APOOL: variants seen among roughly 807,000 people sequenced by gnomAD.
The protein encoded by APOOL is apolipoprotein O like, also known as MICOS complex subunit MIC27.
A neutral mutation model predicts 23.1 loss-of-function variants in APOOL; 12 were observed. That is an observed-to-expected ratio of 0.52 (90% CI 0.33 to 0.84). APOOL has a LOEUF of 0.84. Ranked by LOEUF, APOOL falls within the 40% of genes least tolerant of loss-of-function variation. The probability of loss-of-function intolerance (pLI) is 0.02; values close to 1 mark genes in which losing one functional copy is unlikely to be tolerated. For synonymous variants in APOOL, 77 were observed against 69.9 expected (o/e 1.10, Z -0.51); for missense variants, 212 against 199.6 (o/e 1.06, Z -0.37).
intron 3 of APOOL, among the ~76,000 whole-genome samples, chrX:85,051,930 C>T (rs1239579574): frequency 8.9e-6 from 1 of 111,856 alleles, no homozygotes; most frequent in Non-Finnish European, 1.9e-5. Flanking sequence ...TTACAAGTGG[C>T]CCTAGGCAGA....
chrX:85,090,778 C>G lies in APOOL; in HGVS notation c.*3100C>G, dbSNP rs1184671175. On this transcript the variant is annotated 3_prime_UTR_variant, in exon 9 of 9. Coordinates refer to ENST00000373173, the MANE Select transcript of APOOL (RefSeq NM_198450.6). ...CATCCTACAAGTCCAATTCCAGTGT[C>G]ATGTTCCCTTTCTCAATCCTCCAGG... The G allele has an allele frequency of 1.8e-5, 2 of 111,821 alleles. No homozygotes were observed. The highest frequency in any genetic ancestry group is 9.5e-5 in the Admixed American group (1 of 10,493). The allele number at this position is 111,821 out of a possible 1,213,427, so 9.2% of individuals were successfully genotyped here.
Position 85,054,412 on chromosome X carries a change from T to C in APOOL, c.295+14T>C. The C allele has an allele frequency of 1.1e-5, 13 of 1,145,924 alleles. No individual in the cohort carries two copies. The highest frequency in any genetic ancestry group is 1.5e-5 in the Non-Finnish European group (13 of 851,715). 94.4% of individuals were successfully genotyped at this position (1,145,924 alleles called of 1,213,427 possible). A position where few individuals can be genotyped will look rare whatever the true frequency, so the allele number is the denominator to read the frequency against. On this transcript the variant is annotated intron_variant, in intron 4 of 8. Coordinates refer to ENST00000373173, the MANE Select transcript of APOOL (RefSeq NM_198450.6). ...AATTTGGAAAAGGTAGGTGAGTAGA[T>C]AATTAGAAATGTTTTATTGTGTTTT...
At chrX:85,028,555 T>C (rs1921921114) in intron 1 of APOOL, among the ~76,000 whole-genome samples, 1 of 111,287 alleles carries the variant, frequency 9.0e-6, no homozygotes, top group Non-Finnish European at 1.9e-5. Flanking sequence ...TTGCACTCCT[T>C]AAGTTCTTTT....
chrX:85,031,871 T>C (rs1293249963), intron 1 of APOOL, among the ~76,000 whole-genome samples: 2 of 112,253 alleles, frequency 1.8e-5, no homozygotes, highest in Admixed American at 1.9e-4. Flanking sequence ...TGAAATTTTG[T>C]AACGTCTGAA....
In APOOL at chrX:85,051,436, G is replaced by A; in HGVS notation, c.168G>A (p.Glu56=). ...CGCTCCAGTCTAAATATGTTGAAGA[G>A]CAGCCTGGTCATTTACAAATGGGCT... is the stretch of plus-strand genomic sequence containing the variant. ...APPLQSKYVE[E]QPGHLQMGFA... Residue 56 remains glutamate, a synonymous_variant, in exon 3 of 9, where the codon GAG becomes GAA. Coordinates refer to ENST00000373173, the MANE Select transcript of APOOL (RefSeq NM_198450.6). 3 of 1,210,693 alleles carry A rather than the reference G, an allele frequency of 2.5e-6. No individual in the cohort carries two copies. Among genetic ancestry groups the A allele is most frequent in the Non-Finnish European group, 3.4e-6 (3 of 895,000 alleles).
intron 5 of APOOL, among the ~76,000 whole-genome samples, chrX:85,062,269 A>G (rs1029237018): frequency 1.8e-5 from 2 of 110,235 alleles, no homozygotes; most frequent in African/African-American, 6.6e-5. Context: ...TGGATATTAG[A>G]CCTTTGTCAG....
chrX:85,084,682 A>G (rs1180223661), intron 8 of APOOL, among the ~76,000 whole-genome samples: 1 of 111,594 alleles, frequency 9.0e-6, no homozygotes, highest in Non-Finnish European at 1.9e-5. Flanking sequence ...TAAGTTGTGA[A>G]TAAATTAAAA....
rs755483043 is a variant in APOOL at position 85,056,917 on chromosome X, C to T, written c.394+992C>T. ...AGTCAGACCTTCTTCCCACTTCTAACTCCCAGAAACACTGATCTGTTCTCT... is the reference window on the plus strand; with the variant it reads ...AGTCAGACCTTCTTCCCACTTCTAATTCCCAGAAACACTGATCTGTTCTCT... On this transcript the variant is annotated intron_variant, in intron 5 of 8. Transcript: ENST00000373173. 4.5e-5 allele frequency among the ~76,000 whole-genome samples: 5 copies of T among 111,538 alleles called. No individual in the cohort carries two copies. The East Asian group carries it at 1.4e-3, about 32-fold the overall frequency.
rs148964375 is a variant in APOOL at position 85,078,498 on chromosome X, T to C, written c.718+4107T>C. On this transcript the variant is annotated intron_variant, in intron 8 of 8. Transcript: ENST00000373173. ...TGCTGTTTTGGTTAGTGTAGCCTTG[T>C]AGTATAGTTTGAAGTCAGGTAGCGT... Among the ~76,000 whole-genome samples, 849 of 111,622 alleles carry C rather than the reference T, an allele frequency of 7.6e-3. 9 individuals carry two copies. The highest frequency in any genetic ancestry group is 0.026 in the African/African-American group (790 of 30,671).
At chrX:85,014,865 T>A (rs997346817) in intron 1 of APOOL, among the ~76,000 whole-genome samples, 1 of 110,429 alleles carries the variant, frequency 9.1e-6, no homozygotes, top group African/African-American at 3.3e-5. Context: ...GATGTTTAGA[T>A]CTCTAGCAAG....
chrX:85,004,735 C>G (rs1025797351), intron 1 of APOOL, among the ~76,000 whole-genome samples: 4 of 111,783 alleles, frequency 3.6e-5, no homozygotes, highest in African/African-American at 1.3e-4. Context: ...AAGCCTGGCT[C>G]TCATGTAATC....
chrX:85,029,999 A>G (rs1480581050), intron 1 of APOOL, among the ~76,000 whole-genome samples: 1 of 112,147 alleles, frequency 8.9e-6, no homozygotes, highest in African/African-American at 3.2e-5. Context: ...CAGCAGTCCC[A>G]CTACTGGGTG....
chrX:85,005,117 C>A (rs1921012061), intron 1 of APOOL, among the ~76,000 whole-genome samples: 1 of 110,246 alleles, frequency 9.1e-6, no homozygotes, highest in South Asian at 3.9e-4. Flanking sequence ...TAATAGTGTC[C>A]TTGATCTCCC....
chrX:85,032,741 T>G (rs1268070803), intron 1 of APOOL, among the ~76,000 whole-genome samples: 2 of 111,551 alleles, frequency 1.8e-5, no homozygotes, highest in Non-Finnish European at 3.8e-5. Context: ...ACTTAGTTCT[T>G]GAAATGCTTT....
rs369854730 is a variant in APOOL, at chrX:85,063,789, G to A, written c.395-3338G>A. Among the ~76,000 whole-genome samples, 17 of 111,058 alleles carry A rather than the reference G, an allele frequency of 1.5e-4. No individual in the cohort carries two copies. The East Asian group carries it at 2.6e-3, about 17-fold the overall frequency. On this transcript the variant is annotated intron_variant, in intron 5 of 8. Coordinates refer to ENST00000373173, the MANE Select transcript of APOOL (RefSeq NM_198450.6). ...TGCCAGTATTTTACTGAGGATTTTTGCATCGATGTTCATCAGGAATATTGG... is the reference window on the plus strand; with the variant it reads ...TGCCAGTATTTTACTGAGGATTTTTACATCGATGTTCATCAGGAATATTGG...
chrX:85,052,789 T>C (rs1011024295), intron 3 of APOOL, among the ~76,000 whole-genome samples: 6 of 111,541 alleles, frequency 5.4e-5, no homozygotes, highest in African/African-American at 2.0e-4. Context: ...TATGACTATG[T>C]GCCAATAGCT....
At chrX:85,012,349 C>T (rs1279931903) in intron 1 of APOOL, among the ~76,000 whole-genome samples, 1 of 111,227 alleles carries the variant, frequency 9.0e-6, no homozygotes, top group African/African-American at 3.3e-5. Context: ...TTTCTCTTGT[C>T]TGATTTCTTT....
At chrX:85,019,952 AG>A (rs1218383863) in intron 1 of APOOL, among the ~76,000 whole-genome samples, 6 of 111,518 alleles carry the variant, frequency 5.4e-5, no homozygotes, top group Admixed American at 2.8e-4. Context: ...TAGAGTCTAG[AG>A]CAGTGGCAGC....
At chrX:85,045,316 C>G (rs1263612005) in intron 1 of APOOL, among the ~76,000 whole-genome samples, 1 of 111,634 alleles carries the variant, frequency 9.0e-6, no homozygotes, top group Non-Finnish European at 1.9e-5. Flanking sequence ...TTTACAGCCC[C>G]AATCTAAATC....
Sources: gnomAD v4.1 joint callset for allele counts (sites outside exome capture counted in the v4.1 genomes callset) on GRCh38, gnomAD v4.1.1 for gene constraint, MANE v1.5 for transcripts, NCBI Gene and HGNC (gene_info 2026-07-23, HGNC 2026-07-21) for gene names.